PCLO: variants seen among roughly 807,000 people sequenced by gnomAD.
PCLO encodes piccolo presynaptic cytomatrix protein, also known as protein piccolo.
PCLO carries 82 observed loss-of-function variants against 427.5 expected under a neutral mutation model. That is an observed-to-expected ratio of 0.19 (90% confidence interval 0.16 to 0.23). The LOEUF (loss-of-function observed/expected upper bound fraction) is 0.23. Among genes scored for constraint, PCLO ranks in the 10% least tolerant of loss-of-function variants. PCLO has a pLI of 1.00. For synonymous variants in PCLO, 2,357 were observed against 2,155.4 expected, an observed-to-expected ratio of 1.09 and a Z score of -2.59; for missense variants, 6,239 against 6,115.9, an observed-to-expected ratio of 1.02 and a Z score of -0.67.
In PCLO at chr7:82,951,381, T is replaced by A; in HGVS notation, c.9207A>T (p.Thr3069=). 1 of 1,603,676 alleles carries A rather than the reference T, an allele frequency of 6.2e-7. No homozygotes were observed. Among genetic ancestry groups the A allele is most frequent in the Non-Finnish European group, 8.5e-7 (1 of 1,174,634 alleles). The part of the protein sequence containing the change: ...STPQYSTARM[T]PPPGPQYCVG... ...CACAATACTGGGGTCCTGGTGGTGG[T>A]GTCATTCTTGCTGTGGAATACTGTG... The change falls in exon 6 of 25, where the codon ACA becomes ACT. Residue 3069 remains threonine, a synonymous_variant. Transcript: ENST00000333891.
chr7:82,960,843 G>T (rs1795641163), intron 4 of PCLO, among the ~76,000 whole-genome samples: 1 of 152,142 alleles, frequency 6.6e-6, no homozygotes, highest in African/African-American at 2.4e-5. Flanking sequence ...TATACCAAGT[G>T]TTTGGTATAG....
chr7:82,806,273 ATC>A (rs1273625482), intron 20 of PCLO, among the ~76,000 whole-genome samples: 1 of 152,138 alleles, frequency 6.6e-6, no homozygotes, highest in Non-Finnish European at 1.5e-5. Context: ...CTAGACTATA[ATC>A]TGTTTTTCTC....
At chr7:83,104,719 G>A (rs1790813129) in intron 3 of PCLO, among the ~76,000 whole-genome samples, 1 of 152,012 alleles carries the variant, frequency 6.6e-6, no homozygotes, top group South Asian at 2.1e-4. Flanking sequence ...GTGACTTGTA[G>A]ATTATTCAGC....
At chr7:82,966,974 A>C (rs910741818) in intron 3 of PCLO, among the ~76,000 whole-genome samples, 9 of 152,102 alleles carry the variant, frequency 5.9e-5, no homozygotes, top group African/African-American at 2.2e-4. Flanking sequence ...ACTTGGGCCA[A>C]ATATAGTTCT....
intron 3 of PCLO, among the ~76,000 whole-genome samples, chr7:82,969,839 G>C (rs1373678978): frequency 6.6e-6 from 1 of 152,096 alleles, no homozygotes; most frequent in African/African-American, 2.4e-5. Flanking sequence ...CAATGCAGAA[G>C]AGAGAGATAC....
At chr7:82,937,638 GA>G (rs2116366332) in intron 6 of PCLO, among the ~76,000 whole-genome samples, 1 of 151,592 alleles carries the variant, frequency 6.6e-6, no homozygotes. Context: ...AGGTAAATAT[GA>G]AAAAGAAATC....
chr7:82,885,990 T>G (rs936414398), intron 9 of PCLO, among the ~76,000 whole-genome samples: 1 of 152,146 alleles, frequency 6.6e-6, no homozygotes, highest in South Asian at 2.1e-4. Flanking sequence ...GGTTTGAGGG[T>G]AGCACACTCC....
Position 82,949,494 on chromosome 7 carries a change from C to T in PCLO, c.11094G>A (p.Gln3698=), listed in dbSNP as rs770500478. 2 of 1,605,824 alleles carry T rather than the reference C, an allele frequency of 1.2e-6. No homozygotes were observed. Among genetic ancestry groups the T allele is most frequent in the Admixed American group, 1.7e-5 (1 of 59,050 alleles). Residue 3698 remains glutamine, a synonymous_variant, in exon 6 of 25, where the codon CAG becomes CAA. Coordinates refer to ENST00000333891, the MANE Select transcript of PCLO (RefSeq NM_033026.6). ...CTCTTACCGTATAGCCCTCGGTATACTGAAAAGGAGCCCTGGAACTTTCGT... is the reference window on the plus strand; with the variant it reads ...CTCTTACCGTATAGCCCTCGGTATATTGAAAAGGAGCCCTGGAACTTTCGT... ...TADESSRAPF[Q]YTEGYTTKGS...
chr7:82,836,361 C>CT (rs1792233497), intron 15 of PCLO, among the ~76,000 whole-genome samples: 1 of 152,014 alleles, frequency 6.6e-6, no homozygotes, highest in African/African-American at 2.4e-5. Flanking sequence ...CATTGAAGGT[C>CT]TAATAAATCA....
intron 3 of PCLO, among the ~76,000 whole-genome samples, chr7:83,074,122 A>G (rs1215385276): frequency 1.3e-5 from 2 of 152,040 alleles, no homozygotes; most frequent in South Asian, 4.1e-4. Flanking sequence ...ATTTCAAGAC[A>G]ACTCATTATT....
chr7:82,902,701 G>C lies in PCLO; in HGVS notation c.13478C>G (p.Pro4493Arg). 1 of 1,603,276 alleles carries C rather than the reference G, an allele frequency of 6.2e-7. No individual in the cohort carries two copies. The highest frequency in any genetic ancestry group is 1.1e-5 in the South Asian group (1 of 90,856). ...TCTTGTTATTTTTATCCTTGCGTGA[G>C]GAAAGATGTAGTGCATAGTTTTCCC... is the stretch of plus-strand genomic sequence containing the variant. The part of the protein sequence containing the change: ...MNGKTMHYIF[P>R]HARIKITRDS... Residue 4493 changes from proline to arginine, a missense_variant, in exon 9 of 25, where the codon CCT becomes CGT. Around this residue, in one of 5 missense-constraint regions of PCLO, gnomAD observed 877 missense variants for 925.5 expected, o/e 0.95. Transcript: ENST00000333891.
intron 22 of PCLO, among the ~76,000 whole-genome samples, chr7:82,785,634 C>G (rs1204670819): frequency 6.6e-6 from 1 of 151,994 alleles, no homozygotes; most frequent in African/African-American, 2.4e-5. Flanking sequence ...CTGACAGGAG[C>G]AAGAGAAAAC....
Position 82,955,320 on chromosome 7 carries a change from A to T in PCLO, c.5633T>A (p.Ile1878Lys). ...EGFEISPEKI[I>K]EVQKVYKLPT... Reference sequence around the variant, plus strand: ...CAATTTATAAACTTTTTGTACTTCTATTATTTTTTCCGGGCTTATTTCAAA... The same window carrying T: ...CAATTTATAAACTTTTTGTACTTCTTTTATTTTTTCCGGGCTTATTTCAAA... Residue 1878 changes from isoleucine to lysine, a missense_variant, in exon 5 of 25, where the codon ATA becomes AAA. Physicochemically the swap from Ile to Lys is moderately radical, Grantham distance 102 (BLOSUM62 -3). Around this residue, in one of 5 missense-constraint regions of PCLO, gnomAD observed 4,677 missense variants for 4,468.4 expected, o/e 1.05. Transcript: ENST00000333891. 6.2e-7 allele frequency: 1 copy of T among 1,613,394 alleles called. No individual in the cohort carries two copies. Among genetic ancestry groups the T allele is most frequent in the Non-Finnish European group, 8.5e-7 (1 of 1,179,708 alleles).
chr7:83,154,699 G>A (rs756183781), intron 2 of PCLO, 49 bp downstream of exon 2: 3 of 1,295,638 alleles, frequency 2.3e-6, no homozygotes, highest in South Asian at 2.5e-5. Context: ...ATTTGTATAA[G>A]AGGATGATAT....
At chr7:82,997,563 T>A (rs1787657191) in intron 3 of PCLO, among the ~76,000 whole-genome samples, 1 of 151,954 alleles carries the variant, frequency 6.6e-6, no homozygotes, top group African/African-American at 2.4e-5. Context: ...TATAAATTAC[T>A]TATAAGCAAG....
At chr7:82,986,930 G>A (rs1796268626) in intron 3 of PCLO, among the ~76,000 whole-genome samples, 1 of 151,768 alleles carries the variant, frequency 6.6e-6, no homozygotes, top group Non-Finnish European at 1.5e-5. Flanking sequence ...AATTTGCAAG[G>A]ACAGAGCAAG....
intron 3 of PCLO, among the ~76,000 whole-genome samples, chr7:83,079,910 C>T (rs1207894279): frequency 1.3e-5 from 2 of 151,504 alleles, no homozygotes; most frequent in Non-Finnish European, 2.9e-5. Flanking sequence ...TGTTGTTGTT[C>T]CCCTCCCTGT....
At chr7:82,853,636 C>T (rs945386988) in intron 10 of PCLO, among the ~76,000 whole-genome samples, 1 of 152,092 alleles carries the variant, frequency 6.6e-6, no homozygotes, top group Non-Finnish European at 1.5e-5. Flanking sequence ...AAACAGAATA[C>T]ACACTATTTT....
chr7:83,059,344 T>C (rs1227569702), intron 3 of PCLO, among the ~76,000 whole-genome samples: 1 of 113,290 alleles, frequency 8.8e-6, no homozygotes, highest in Non-Finnish European at 1.8e-5. Context: ...ATATTTTATA[T>C]ATACACCTTT....
Sources: allele counts gnomAD v4.1 joint callset (sites outside exome capture counted in the v4.1 genomes callset), GRCh38; gene constraint gnomAD v4.1.1; regional missense constraint gnomAD v4.1.1; transcripts MANE v1.5; gene names NCBI Gene and HGNC (gene_info 2026-07-23, HGNC 2026-07-21).